LARP1: variants seen among roughly 807,000 people sequenced by gnomAD.
LARP1 encodes the protein La ribonucleoprotein 1, translational regulator, also known as la-related protein 1.
A neutral mutation model predicts 122.7 loss-of-function variants in LARP1; 36 were observed. That is an observed-to-expected ratio of 0.29 (90% CI 0.22 to 0.39). LARP1 has a LOEUF of 0.39. Among genes scored for constraint, LARP1 ranks in the 10% least tolerant of loss-of-function variants. LARP1 has a pLI of 1.00. For missense variants in LARP1, 1,040 were observed against 1,403.6 expected (o/e 0.74, Z 4.14); for synonymous variants, 539 against 528.7 (o/e 1.02, Z -0.27).
rs1312018105 is a variant in LARP1 at position 154,802,522 on chromosome 5, A to G, written c.2109+123A>G. The G allele has an allele frequency of 6.7e-6, 8 of 1,190,614 alleles. No homozygotes were observed. The highest frequency in any genetic ancestry group is 9.1e-6 in the Non-Finnish European group (8 of 878,078). The allele number at this position is 1,190,614 out of a possible 1,614,324, so 73.8% of individuals were successfully genotyped here. ...TATAATTCAGAGTCTCAGGATTTTT[A>G]TATATGGGAAGGGGATGATGACTGA... On this transcript the variant is annotated intron_variant, in intron 11 of 18. Coordinates refer to ENST00000518297, the MANE Select transcript of LARP1 (RefSeq NM_033551.3). This position sits in a 1 kb window ranked among gnomAD's most constrained non-coding sequence, Gnocchi z 5.1.
intron 1 of LARP1, among the ~76,000 whole-genome samples, chr5:154,785,383 C>G (rs776586331): frequency 1.9e-4 from 29 of 152,258 alleles, no homozygotes; most frequent in African/African-American, 5.1e-4. Flanking sequence ...TATCTCCCCC[C>G]ATCCCCATCT....
chr5:154,736,456 C>T (rs184550139), intron 1 of LARP1, among the ~76,000 whole-genome samples: 1 of 152,160 alleles, frequency 6.6e-6, no homozygotes, highest in Non-Finnish European at 1.5e-5. Flanking sequence ...GTCTCCAACT[C>T]CTGGCCTCAA....
chr5:154,736,292 CACTATGTT>C (rs1344199168), intron 1 of LARP1, among the ~76,000 whole-genome samples: 1 of 151,700 alleles, frequency 6.6e-6, no homozygotes, highest in Non-Finnish European at 1.5e-5. Context: ...CACGGGGTTT[CACTATGTT>C]GGCCAGGCTG....
rs903918053 is a variant in LARP1, at chr5:154,807,618, A to G, written c.2699-841A>G. ...CAGGCAGGAATGCAGTGACTTAATT[A>G]TAGCCCACTGCAGTCTCGAACTATT... On this transcript the variant is annotated intron_variant, in intron 15 of 18. Transcript: ENST00000518297. 1.1e-4 allele frequency among the ~76,000 whole-genome samples: 17 copies of G among 152,276 alleles called. 1 individual carries two copies. In the East Asian group the frequency reaches 3.3e-3, roughly 29 times the overall value.
At position 154,755,574 on chromosome 5, in the gene LARP1, C is replaced by T; in HGVS notation, c.-184C>T. 3 of 987,240 alleles carry T rather than the reference C, an allele frequency of 3.0e-6. No homozygotes were observed. Among genetic ancestry groups the T allele is most frequent in the Non-Finnish European group, 3.6e-6 (3 of 830,064 alleles). 61.2% of individuals were successfully genotyped at this position (987,240 alleles called of 1,614,324 possible). On this transcript the variant is annotated 5_prime_UTR_variant, in exon 1 of 19. Transcript: ENST00000518297. ...CCCCCCCCGCCCCGCTAGTGGGCCT[C>T]GGATTTACGGCGGCTGCATCTAACT...
At chr5:154,689,882 G>A (rs1365655157) in intron 1 of LARP1, among the ~76,000 whole-genome samples, 1 of 151,962 alleles carries the variant, frequency 6.6e-6, no homozygotes, top group Non-Finnish European at 1.5e-5. Flanking sequence ...TTCGAGACCA[G>A]CCTGGCCATC....
At chr5:154,693,543 C>T (rs994163126) in intron 1 of LARP1, among the ~76,000 whole-genome samples, 1 of 152,040 alleles carries the variant, frequency 6.6e-6, no homozygotes, top group African/African-American at 2.4e-5. Flanking sequence ...TTTAAAAGGA[C>T]TTGAATTGCC....
intron 1 of LARP1, among the ~76,000 whole-genome samples, chr5:154,780,524 C>T (rs998978605): frequency 6.6e-6 from 1 of 152,156 alleles, no homozygotes; most frequent in African/African-American, 2.4e-5. Context: ...TGCCAAAGAG[C>T]TCTAGATTGG....
intron 1 of LARP1, among the ~76,000 whole-genome samples, chr5:154,736,393 G>C (rs1163194892): frequency 3.3e-5 from 5 of 151,650 alleles, no homozygotes; most frequent in African/African-American, 1.2e-4. Flanking sequence ...ACTGTGCCCA[G>C]CAAGTTTTTA....
At position 154,802,063 on chromosome 5, in the gene LARP1, C is replaced by T. The variant is rs370134105; in HGVS notation, c.1773C>T (p.Ser591=). ...CCTCTCTGCCTCAGCAGCTGCCTTCCCAGCAGCTGATGTCCAAGGATCAGG... is the reference window on the plus strand; with the variant it reads ...CCTCTCTGCCTCAGCAGCTGCCTTCTCAGCAGCTGATGTCCAAGGATCAGG... ...HLTSLPQQLP[S]QQLMSKDQDE... Residue 591 remains serine (S), a synonymous_variant, in exon 11 of 19, where the codon TCC becomes TCT. Coordinates refer to ENST00000518297, the MANE Select transcript of LARP1 (RefSeq NM_033551.3). This position sits in a 1 kb window ranked among gnomAD's most constrained non-coding sequence, Gnocchi z 5.1. 11 of 1,613,874 alleles carry T rather than the reference C, an allele frequency of 6.8e-6. No individual in the cohort carries two copies. The highest frequency in any genetic ancestry group is 4.0e-5 in the African/African-American group (3 of 74,910).
intron 8 of LARP1, among the ~76,000 whole-genome samples, chr5:154,796,051 A>G (rs1757781846): frequency 8.6e-6 from 1 of 116,102 alleles, no homozygotes. Flanking sequence ...TTATATATTT[A>G]TATATTATAT....
intron 1 of LARP1, among the ~76,000 whole-genome samples, chr5:154,743,442 G>T (rs1216338473): frequency 6.6e-6 from 1 of 151,356 alleles, no homozygotes; most frequent in Non-Finnish European, 1.5e-5. Flanking sequence ...CCGAGTAGCT[G>T]GGATTACAGG....
chr5:154,747,996 G>A (rs532040746), intron 1 of LARP1, among the ~76,000 whole-genome samples: 68 of 152,276 alleles, frequency 4.5e-4, no homozygotes, highest in African/African-American at 1.4e-3. Flanking sequence ...ACAGGTATGC[G>A]GCACCACACC....
intron 15 of LARP1, 27 bp downstream of exon 15, chr5:154,806,059 A>G: frequency 6.2e-7 from 1 of 1,611,188 alleles, no homozygotes; most frequent in Non-Finnish European, 8.5e-7. Context: ...GCAGGAGATG[A>G]GCCTCTGGGC....
Position 154,811,544 on chromosome 5 carries a change from C to G in LARP1, c.2985C>G (p.Ala995=). The change falls in exon 18 of 19, where the codon GCC becomes GCG. Residue 995 remains alanine (A), a synonymous_variant. Coordinates refer to ENST00000518297, the MANE Select transcript of LARP1 (RefSeq NM_033551.3). The part of the protein sequence containing the change: ...GQLYGLEKFW[A]FLKYSKAKNL... ...TGTATGGGCTGGAGAAGTTCTGGGCCTTCTTGAAATATTCCAAAGCCAAAA... is the reference window on the plus strand; with the variant it reads ...TGTATGGGCTGGAGAAGTTCTGGGCGTTCTTGAAATATTCCAAAGCCAAAA... The G allele has an allele frequency of 1.9e-6, 3 of 1,614,222 alleles. No homozygotes were observed. Among genetic ancestry groups the G allele is most frequent in the Non-Finnish European group, 1.7e-6 (2 of 1,180,050 alleles).
At position 154,727,647 on chromosome 5, in the gene LARP1, G is replaced by A. The variant is rs113034545; in HGVS notation, c.205+14517G>A. On this transcript the variant is annotated intron_variant, in intron 1 of 18. Coordinates refer to the LARP1 transcript ENST00000336314. ...GAAAAATGCTAAGAGAGTGAATGTTGTGTTCTCACAAAAATAATGACTATG... is the reference window on the plus strand; with the variant it reads ...GAAAAATGCTAAGAGAGTGAATGTTATGTTCTCACAAAAATAATGACTATG... Among the ~76,000 whole-genome samples, 1,091 of 152,238 alleles carry A rather than the reference G, an allele frequency of 7.2e-3. 15 individuals are homozygous for A. The highest frequency in any genetic ancestry group is 0.025 in the African/African-American group (1,042 of 41,542).
chr5:154,768,816 C>T (rs1453579560), intron 1 of LARP1, among the ~76,000 whole-genome samples: 38 of 152,052 alleles, frequency 2.5e-4, no homozygotes, highest in Admixed American at 2.5e-3. Context: ...CTTCTGACTT[C>T]GTGATCCACC....
At chr5:154,796,422 C>A (rs964183355) in intron 8 of LARP1, among the ~76,000 whole-genome samples, 1 of 151,698 alleles carries the variant, frequency 6.6e-6, no homozygotes, top group Middle Eastern at 3.4e-3. Context: ...TTTTTCTTTG[C>A]CGTTTATTAT....
intron 1 of LARP1, among the ~76,000 whole-genome samples, chr5:154,730,653 T>C (rs969930583): frequency 6.6e-6 from 1 of 151,958 alleles, no homozygotes; most frequent in Non-Finnish European, 1.5e-5. Flanking sequence ...TTTGTATCTT[T>C]AGTAGAGACA....
Sources: gnomAD v4.1 joint callset for allele counts (sites outside exome capture counted in the v4.1 genomes callset) on GRCh38, gnomAD v4.1.1 for gene constraint, Gnocchi (gnomAD v3.1) non-coding constraint, MANE v1.5 for transcripts, NCBI Gene and HGNC (gene_info 2026-07-23, HGNC 2026-07-21) for gene names.